The following TTC28 variants were observed in gnomAD, a reference collection of about 807,000 sequenced individuals.
TTC28 encodes tetratricopeptide repeat domain 28, also known as tetratricopeptide repeat protein 28.
Under a neutral mutation model 198.0 loss-of-function variants are expected in TTC28, and 61 were observed. That is an observed-to-expected ratio of 0.31 (90% CI 0.25 to 0.38). The LOEUF (loss-of-function observed/expected upper bound fraction) is 0.38. TTC28 is among the 10% of genes least tolerant of loss of function. The pLI is 1.00. For missense variants in TTC28, 2,678 were observed against 3,164.0 expected (o/e 0.85, Z 3.69); for synonymous variants, 1,171 against 1,297.8 (o/e 0.90, Z 2.10).
At chr22:28,084,887 G>A (rs112661343) in intron 12 of TTC28, among the ~76,000 whole-genome samples, 10,098 of 152,102 alleles carry the variant, frequency 0.066, 471 homozygotes, top group South Asian at 0.15. Flanking sequence ...TAGTCGATGC[G>A]ATCAACTGGA....
intron 5 of TTC28, among the ~76,000 whole-genome samples, chr22:28,243,050 A>C (rs1929775285): frequency 1.3e-5 from 2 of 150,632 alleles, no homozygotes; most frequent in Middle Eastern, 6.8e-3. Flanking sequence ...AAAAAAAAAA[A>C]AACTGGGCCA....
At chr22:28,405,401 C>T (rs2046984514) in intron 2 of TTC28, among the ~76,000 whole-genome samples, 1 of 152,148 alleles carries the variant, frequency 6.6e-6, no homozygotes, top group Admixed American at 6.5e-5. Context: ...AGGGTGGTCA[C>T]AGAGCCTTCC....
chr22:28,301,373 C>G (rs2045021480), intron 3 of TTC28, among the ~76,000 whole-genome samples: 1 of 152,138 alleles, frequency 6.6e-6, no homozygotes, highest in South Asian at 2.1e-4. Context: ...CAAACCAACT[C>G]CATAAGAACA....
chr22:28,130,113 C>G (rs1245081374), intron 6 of TTC28, among the ~76,000 whole-genome samples: 1 of 152,198 alleles, frequency 6.6e-6, no homozygotes, highest in Non-Finnish European at 1.5e-5. Context: ...AAAAGAACCA[C>G]CTAAATCAGA....
intron 2 of TTC28, among the ~76,000 whole-genome samples, chr22:28,504,715 G>T (rs543643628): frequency 7.9e-5 from 12 of 152,094 alleles, no homozygotes; most frequent in African/African-American, 2.9e-4. Context: ...CAACTTTTGA[G>T]GTTGTCCATT....
At chr22:28,539,467 T>C (rs1330104591) in intron 2 of TTC28, among the ~76,000 whole-genome samples, 1 of 151,984 alleles carries the variant, frequency 6.6e-6, no homozygotes. Flanking sequence ...AAAACCCATC[T>C]CTATAAAAAT....
At chr22:28,169,311 T>C (rs1766297700) in intron 5 of TTC28, among the ~76,000 whole-genome samples, 1 of 152,146 alleles carries the variant, frequency 6.6e-6, no homozygotes, top group South Asian at 2.1e-4. Context: ...GACCCAGCCA[T>C]CCGATTACTG....
At chr22:28,636,923 C>CA (rs1366793154) in intron 1 of TTC28, among the ~76,000 whole-genome samples, 1 of 150,952 alleles carries the variant, frequency 6.6e-6, no homozygotes, top group Non-Finnish European at 1.5e-5. Context: ...GTGTCACATC[C>CA]AAAAAATCAT....
intron 6 of TTC28, among the ~76,000 whole-genome samples, chr22:28,131,104 T>C (rs1943050637): frequency 6.6e-6 from 1 of 152,192 alleles, no homozygotes; most frequent in Non-Finnish European, 1.5e-5. Context: ...CAGTGCTAGG[T>C]GGTGGAGATG....
intron 2 of TTC28, among the ~76,000 whole-genome samples, chr22:28,543,091 T>G (rs1252811338): frequency 6.6e-6 from 1 of 152,180 alleles, no homozygotes; most frequent in East Asian, 1.9e-4. Context: ...TCCCAGCACT[T>G]TGGGAGGCCA....
chr22:28,662,414 A>G (rs1007969584), intron 1 of TTC28, among the ~76,000 whole-genome samples: 1 of 152,238 alleles, frequency 6.6e-6, no homozygotes, highest in Admixed American at 6.5e-5. Context: ...AAGGCAATTC[A>G]GTTTCCTAGC....
At chr22:28,352,343 G>T (rs961613173) in intron 2 of TTC28, among the ~76,000 whole-genome samples, 2 of 146,618 alleles carry the variant, frequency 1.4e-5, no homozygotes, top group Non-Finnish European at 3.0e-5. Flanking sequence ...ATATCTCCCG[G>T]TAAGTGCAGA....
At chr22:28,030,492 G>T in intron 12 of TTC28, 126 bp from the exon 13 acceptor site, 1 of 1,177,892 alleles carries the variant, frequency 8.5e-7, no homozygotes, top group Non-Finnish European at 1.2e-6. Flanking sequence ...CCAGATGACA[G>T]CATCACCCCA....
At chr22:28,489,946 G>A (rs1276457113) in intron 2 of TTC28, among the ~76,000 whole-genome samples, 3 of 152,128 alleles carry the variant, frequency 2.0e-5, no homozygotes, top group Admixed American at 6.5e-5. Context: ...AGGAGCCAGA[G>A]AGCCAGTCTG....
chr22:28,348,915 T>C (rs554830354), intron 2 of TTC28, among the ~76,000 whole-genome samples: 1 of 152,342 alleles, frequency 6.6e-6, no homozygotes, highest in South Asian at 2.1e-4. Context: ...ATTTCCTTCC[T>C]AGCTCAAGCT....
chr22:28,401,490 C>A (rs1322994291), intron 2 of TTC28, among the ~76,000 whole-genome samples: 1 of 152,076 alleles, frequency 6.6e-6, no homozygotes, highest in African/African-American at 2.4e-5. Context: ...GTGGTGCCTG[C>A]CTGTAATTCC....
intron 6 of TTC28, among the ~76,000 whole-genome samples, chr22:28,159,928 A>G (rs1920991701): frequency 6.6e-6 from 1 of 152,204 alleles, no homozygotes; most frequent in Non-Finnish European, 1.5e-5. Flanking sequence ...ATTGATGGTC[A>G]TTATGTCAAG....
intron 2 of TTC28, among the ~76,000 whole-genome samples, chr22:28,567,508 A>ATATATATATATATATATATATATATC (rs2049997014): frequency 7.5e-6 from 1 of 133,358 alleles, no homozygotes; most frequent in Non-Finnish European, 1.6e-5. Context: ...ATATATATAT[A>ATATATATATATATATATATATATATC]TGTTTTTACC....
intron 2 of TTC28, among the ~76,000 whole-genome samples, chr22:28,529,855 G>A (rs543987359): frequency 1.3e-5 from 2 of 152,146 alleles, no homozygotes; most frequent in African/African-American, 4.8e-5. Flanking sequence ...ACTGTTAGAA[G>A]GAAAACTAAC....
Sources: allele counts gnomAD v4.1 joint callset (sites outside exome capture counted in the v4.1 genomes callset), GRCh38; gene constraint gnomAD v4.1.1; transcripts MANE v1.5; gene names NCBI Gene and HGNC (gene_info 2026-07-23, HGNC 2026-07-21).